Variants in FAM114A1 observed in about 807,000 individuals in gnomAD.
FAM114A1 encodes protein NOXP20.
Under a neutral mutation model 64.3 loss-of-function variants are expected in FAM114A1, and 62 were observed. That is an observed-to-expected ratio of 0.96 (90% CI 0.79 to 1.19). FAM114A1 has a LOEUF of 1.19. Ranked by LOEUF, FAM114A1 falls within the 50% of genes most tolerant of loss-of-function variation. FAM114A1 has a pLI of 0.00. For missense variants in FAM114A1, 645 were observed against 676.3 expected, an observed-to-expected ratio of 0.95 and a Z score of 0.51; for synonymous variants, 254 against 251.1, an observed-to-expected ratio of 1.01 and a Z score of -0.11.
intron 8 of FAM114A1, among the ~76,000 whole-genome samples, chr4:38,918,055 A>G (rs1719242357): frequency 7.1e-6 from 1 of 141,588 alleles, no homozygotes; most frequent in South Asian, 2.2e-4. Context: ...CGTCTCTACT[A>G]AAAAAAAAAA....
intron 8 of FAM114A1, among the ~76,000 whole-genome samples, chr4:38,921,179 T>C (rs1021903534): frequency 1.3e-5 from 2 of 152,258 alleles, no homozygotes; most frequent in Admixed American, 6.5e-5. Context: ...TTTATACTTA[T>C]ACTTAATATT....
At chr4:38,941,115 T>C in intron 14 of FAM114A1, 94 bp downstream of exon 14, 1 of 1,121,816 alleles carries the variant, frequency 8.9e-7, no homozygotes, top group Non-Finnish European at 1.3e-6. Flanking sequence ...ACAGCAAATG[T>C]TATTGCAATT....
At chr4:38,876,397 C>T (rs190398306) in intron 2 of FAM114A1, among the ~76,000 whole-genome samples, 50 of 152,138 alleles carry the variant, frequency 3.3e-4, no homozygotes, top group African/African-American at 1.1e-3. Context: ...TCTTGAACTC[C>T]TGGCCTCATG....
At position 38,941,657 on chromosome 4, in the gene FAM114A1, A is replaced by T. The variant is rs117123790; in HGVS notation, c.1590+636A>T. Among the ~76,000 whole-genome samples the T allele has an allele frequency of 4.1e-4, 63 of 152,322 alleles. 4 individuals are homozygous for T. The East Asian group carries it at 0.012, about 29-fold the overall frequency. On this transcript the variant is annotated intron_variant, in intron 14 of 14. Transcript: ENST00000358869. Reference sequence around the variant, plus strand: ...GATTTCTCATTCTTGAATCATAGGCACTGTGTTCCACCTGTAGAGGAAAGG... The same window carrying T: ...GATTTCTCATTCTTGAATCATAGGCTCTGTGTTCCACCTGTAGAGGAAAGG...
At chr4:38,915,203 A>G in intron 8 of FAM114A1, 130 bp downstream of exon 8, 1 of 1,146,984 alleles carries the variant, frequency 8.7e-7, no homozygotes, top group Non-Finnish European at 1.2e-6. Flanking sequence ...GAGGTCAGAA[A>G]TACTGTACAA....
chr4:38,876,174 T>C (rs1042448347), intron 2 of FAM114A1, among the ~76,000 whole-genome samples: 21 of 146,334 alleles, frequency 1.4e-4, no homozygotes, highest in Non-Finnish European at 3.0e-4. Context: ...TTTTTCTTTT[T>C]TTTTTTTTTT....
Position 38,932,182 on chromosome 4 carries a change from T to C in FAM114A1, c.1324-53T>C, listed in dbSNP as rs141348418. ...CACTTCTAATGTCACAGCATTTTTT[T>C]AAAAAAGCATCTGCTCAGTAAAAAA... On this transcript the variant is annotated intron_variant, in intron 11 of 14. Coordinates refer to ENST00000358869, the MANE Select transcript of FAM114A1 (RefSeq NM_138389.4). The C allele has an allele frequency of 7.1e-4, 1,103 of 1,545,284 alleles. 16 individuals carry two copies. The African/African-American group carries it at 0.013, about 19-fold the overall frequency.
At chr4:38,916,936 C>G (rs1719108245) in intron 8 of FAM114A1, among the ~76,000 whole-genome samples, 1 of 152,082 alleles carries the variant, frequency 6.6e-6, no homozygotes, top group Non-Finnish European at 1.5e-5. Context: ...GTTGTCAGCC[C>G]TTTACAATTT....
At chr4:38,918,116 C>T (rs376531760) in intron 8 of FAM114A1, among the ~76,000 whole-genome samples, 1 of 151,694 alleles carries the variant, frequency 6.6e-6, no homozygotes, top group Non-Finnish European at 1.5e-5. Context: ...CCCAGCTATT[C>T]GGGAGGCTGA....
chr4:38,912,346 TC>T (rs984156968), intron 7 of FAM114A1, among the ~76,000 whole-genome samples: 1 of 152,132 alleles, frequency 6.6e-6, no homozygotes, highest in Non-Finnish European at 1.5e-5. Flanking sequence ...AAGCTGGTTA[TC>T]CCTCAGGCAG....
At chr4:38,934,921 T>TG (rs1255003968) in intron 12 of FAM114A1, among the ~76,000 whole-genome samples, 3 of 151,778 alleles carry the variant, frequency 2.0e-5, no homozygotes, top group African/African-American at 7.3e-5. Flanking sequence ...TTTCTTACTT[T>TG]TTTTTTTTTT....
chr4:38,924,363 C>G (rs920896701), intron 9 of FAM114A1, among the ~76,000 whole-genome samples: 3 of 152,180 alleles, frequency 2.0e-5, no homozygotes, highest in Non-Finnish European at 2.9e-5. Context: ...GTTGTTATTA[C>G]CCGGCATGCA....
At chr4:38,888,326 TG>T (rs1180828581) in intron 3 of FAM114A1, among the ~76,000 whole-genome samples, 2 of 152,090 alleles carry the variant, frequency 1.3e-5, no homozygotes, top group African/African-American at 4.8e-5. Flanking sequence ...AAGACCAGCC[TG>T]GGCAACATAG....
intron 3 of FAM114A1, among the ~76,000 whole-genome samples, chr4:38,882,893 A>G (rs2890683): frequency 0.24 from 36,306 of 152,128 alleles, 4,867 homozygotes; most frequent in Non-Finnish European, 0.28. Flanking sequence ...GCAGGTGGCC[A>G]GAGTCAAGGA....
At chr4:38,874,121 G>A (rs960354177) in intron 2 of FAM114A1, among the ~76,000 whole-genome samples, 2 of 152,216 alleles carry the variant, frequency 1.3e-5, no homozygotes, top group African/African-American at 4.8e-5. Context: ...GGGCTCTGAT[G>A]TGGTTCAGTC....
At chr4:38,891,065 A>G (rs1716319426) in intron 3 of FAM114A1, among the ~76,000 whole-genome samples, 1 of 152,214 alleles carries the variant, frequency 6.6e-6, no homozygotes, top group Non-Finnish European at 1.5e-5. Context: ...GTTCATGCAC[A>G]CAGTTCACAC....
intron 3 of FAM114A1, among the ~76,000 whole-genome samples, chr4:38,880,107 G>GAATAGAATAGAATAGAATAGAA (rs1715084182): frequency 7.9e-6 from 1 of 127,274 alleles, no homozygotes; most frequent in East Asian, 2.2e-4. Context: ...ATAAAATAGA[G>GAATAGAATAGAATAGAATAGAA]TAGAATAGAA....
chr4:38,882,179 G>A (rs1715340680), intron 3 of FAM114A1, among the ~76,000 whole-genome samples: 3 of 146,792 alleles, frequency 2.0e-5, no homozygotes, highest in Admixed American at 6.7e-5. Flanking sequence ...GGGCGCGGTG[G>A]TGGGCGCCTG....
intron 9 of FAM114A1, among the ~76,000 whole-genome samples, chr4:38,923,217 G>A (rs937265755): frequency 6.9e-6 from 1 of 145,814 alleles, no homozygotes; most frequent in Non-Finnish European, 1.5e-5. Flanking sequence ...TAGAGTTTAT[G>A]CTGCCACTTT....
Sources: allele counts gnomAD v4.1 joint callset (sites outside exome capture counted in the v4.1 genomes callset), GRCh38; gene constraint gnomAD v4.1.1; transcripts MANE v1.5; gene names NCBI Gene and HGNC (gene_info 2026-07-23, HGNC 2026-07-21).